CCDC141: variants seen among roughly 807,000 people sequenced by gnomAD.
CCDC141 encodes the protein coiled-coil domain-containing protein 141.
A neutral mutation model predicts 181.0 loss-of-function variants in CCDC141; 168 were observed. That is an observed-to-expected ratio of 0.93 (90% confidence interval 0.82 to 1.05). The LOEUF (loss-of-function observed/expected upper bound fraction) is 1.05. Ranked by LOEUF, CCDC141 falls within the 50% of genes least tolerant of loss-of-function variation. The pLI is 0.00. For missense variants in CCDC141, 1,902 were observed against 1,788.5 expected (o/e 1.06, Z -1.14); for synonymous variants, 666 against 642.3 (o/e 1.04, Z -0.56).
intron 19 of CCDC141, among the ~76,000 whole-genome samples, chr2:178,855,034 A>T (rs1685323711): frequency 6.6e-6 from 1 of 152,234 alleles, no homozygotes; most frequent in South Asian, 2.1e-4. Flanking sequence ...AGCAGTGAAC[A>T]TAATTTCATG....
At chr2:178,961,192 C>G (rs1376516622) in intron 5 of CCDC141, 38 bp downstream of exon 5, 2 of 1,544,090 alleles carry the variant, frequency 1.3e-6, no homozygotes, top group Non-Finnish European at 1.8e-6. Flanking sequence ...AACTAATCAG[C>G]TGAGGCTGGA....
chr2:178,915,435 A>C (rs1274542031), intron 7 of CCDC141, among the ~76,000 whole-genome samples: 2 of 152,216 alleles, frequency 1.3e-5, no homozygotes, highest in East Asian at 1.9e-4. Context: ...CCACTCACTC[A>C]TTTATATATT....
chr2:179,015,364 A>G (rs2042452181), intron 2 of CCDC141, among the ~76,000 whole-genome samples: 1 of 141,228 alleles, frequency 7.1e-6, no homozygotes, highest in Non-Finnish European at 1.5e-5. Flanking sequence ...CATATCCCAT[A>G]TATGTATCAT....
downstream of CCDC141, among the ~76,000 whole-genome samples, chr2:178,826,257 C>T (rs1226084828): frequency 6.6e-6 from 1 of 152,272 alleles, no homozygotes; most frequent in South Asian, 2.1e-4. Context: ...TTTGAAAGAG[C>T]CGTATATACC....
At chr2:178,840,414 C>T in intron 22 of CCDC141, among the ~76,000 whole-genome samples, 1 of 152,342 alleles carries the variant, frequency 6.6e-6, no homozygotes, top group East Asian at 1.9e-4. Flanking sequence ...AAACTTACAA[C>T]AAGCTTAGGA....
intron 7 of CCDC141, 123 bp downstream of exon 7, chr2:178,918,590 C>T: frequency 1.5e-6 from 1 of 668,680 alleles, no homozygotes; most frequent in South Asian, 2.5e-5. Flanking sequence ...CTCTTTGCTG[C>T]TATCAGTTTT....
chr2:178,977,377 A>G lies in CCDC141; in HGVS notation c.417+1107T>C, dbSNP rs546998879. On this transcript the variant is annotated intron_variant, in intron 3 of 23. Coordinates refer to ENST00000443758, the MANE Select transcript of CCDC141 (RefSeq NM_173648.4). ...AGTTTCAAGGACAGTTGACACCTAT[A>G]CCCTACTTACTAAGATAGAGTGAAT... Among the ~76,000 whole-genome samples, 4 of 152,266 alleles carry G rather than the reference A, an allele frequency of 2.6e-5. No individual in the cohort carries two copies. The East Asian group carries it at 7.7e-4, about 29-fold the overall frequency.
At chr2:179,002,222 C>T (rs1356082498) in intron 2 of CCDC141, 2 of 251,480 alleles carry the variant, frequency 8.0e-6, no homozygotes, top group East Asian at 1.2e-4. Context: ...GTAGGAATGA[C>T]AAACAAGGTT....
intron 2 of CCDC141, among the ~76,000 whole-genome samples, chr2:179,040,034 A>G (rs1341484478): frequency 1.3e-5 from 2 of 152,140 alleles, no homozygotes; most frequent in African/African-American, 4.8e-5. Flanking sequence ...GAGTGGCTGG[A>G]TTGAAAGTGG....
intron 2 of CCDC141, among the ~76,000 whole-genome samples, chr2:179,029,926 T>C (rs565112449): frequency 3.9e-4 from 60 of 152,272 alleles, no homozygotes; most frequent in African/African-American, 1.3e-3. Context: ...AATTATCCAA[T>C]ACTTTTTCCA....
chr2:178,914,505 A>G (rs1051627452), intron 7 of CCDC141, among the ~76,000 whole-genome samples: 10 of 152,122 alleles, frequency 6.6e-5, no homozygotes, highest in African/African-American at 2.4e-4. Context: ...GCTGCCAGAC[A>G]CTTCCTCTGG....
rs529330753 is a variant in CCDC141, at chr2:179,041,589, G to A, written c.225+5695C>T. ...AACAATACTAACCTTAAATGTAAAT[G>A]GAAATGCCCCAATTAAAAGACACAG... On this transcript the variant is annotated intron_variant, in intron 2 of 23. Coordinates refer to ENST00000443758, the MANE Select transcript of CCDC141 (RefSeq NM_173648.4). 2.3e-4 allele frequency among the ~76,000 whole-genome samples: 32 copies of A among 138,012 alleles called. 1 individual carries two copies. The highest frequency in any genetic ancestry group is 4.5e-3 in the Middle Eastern group (1 of 224). The allele number at this position is 138,012 out of a possible 152,430, so 90.5% of individuals were successfully genotyped here.
intron 2 of CCDC141, among the ~76,000 whole-genome samples, chr2:178,988,794 A>G (rs987682483): frequency 1.4e-4 from 22 of 152,184 alleles, no homozygotes; most frequent in Non-Finnish European, 2.2e-4. Flanking sequence ...GTGTATTGAC[A>G]TAAGGATAGA....
intron 6 of CCDC141, among the ~76,000 whole-genome samples, chr2:178,944,084 G>T (rs1197365723): frequency 1.3e-5 from 2 of 152,158 alleles, no homozygotes; most frequent in Non-Finnish European, 2.9e-5. Flanking sequence ...ATGTTTAAGA[G>T]CTTGGGCCTT....
At chr2:179,020,933 G>C (rs945325299) in intron 2 of CCDC141, among the ~76,000 whole-genome samples, 1 of 152,118 alleles carries the variant, frequency 6.6e-6, no homozygotes, top group South Asian at 2.1e-4. Context: ...TATGATTTCA[G>C]GGATGTAAGG....
intron 22 of CCDC141, among the ~76,000 whole-genome samples, chr2:178,844,261 T>C (rs1242391044): frequency 1.3e-5 from 2 of 152,068 alleles, no homozygotes; most frequent in Non-Finnish European, 2.9e-5. Flanking sequence ...TTTAAGAAAA[T>C]GTGGTGCATT....
intron 2 of CCDC141, among the ~76,000 whole-genome samples, chr2:178,981,483 C>A (rs74636457): frequency 6.6e-6 from 1 of 151,298 alleles, no homozygotes; most frequent in African/African-American, 2.4e-5. Flanking sequence ...AAACAACACA[C>A]TTTAAAATAA....
intron 8 of CCDC141, among the ~76,000 whole-genome samples, chr2:178,903,696 T>C (rs80289304): frequency 6.6e-6 from 1 of 151,264 alleles, no homozygotes; most frequent in Non-Finnish European, 1.5e-5. Context: ...GAATGCCACA[T>C]GCATACATAT....
intron 3 of CCDC141, among the ~76,000 whole-genome samples, chr2:178,976,706 A>G (rs956801100): frequency 1.3e-5 from 2 of 152,212 alleles, no homozygotes; most frequent in African/African-American, 4.8e-5. Context: ...CTACATGCAC[A>G]TAATTCAATA....
Sources: allele counts gnomAD v4.1 joint callset (sites outside exome capture counted in the v4.1 genomes callset), GRCh38; gene constraint gnomAD v4.1.1; transcripts MANE v1.5; gene names NCBI Gene and HGNC (gene_info 2026-07-23, HGNC 2026-07-21).